Variants in ATP9A observed in about 807,000 individuals in gnomAD.
The protein encoded by ATP9A is probable phospholipid-transporting ATPase IIA.
ATP9A carries 52 observed loss-of-function variants against 144.1 expected under a neutral mutation model. The observed-to-expected ratio is 0.36, with a 90% CI of 0.29 to 0.45. The LOEUF is 0.45. ATP9A is among the 20% of genes least tolerant of loss of function. The probability of loss-of-function intolerance (pLI) is 1.00; values close to 1 mark genes in which losing one functional copy is unlikely to be tolerated. For missense variants in ATP9A, 947 were observed against 1,392.7 expected (o/e 0.68, Z 5.09); for synonymous variants, 582 against 557.4 (o/e 1.04, Z -0.62).
intron 9 of ATP9A, among the ~76,000 whole-genome samples, chr20:51,681,267 C>T (rs1568818016): frequency 6.6e-6 from 1 of 152,156 alleles, no homozygotes; most frequent in Non-Finnish European, 1.5e-5. Context: ...ATTAGTATTG[C>T]TCATCTCTGA....
chr20:51,676,379 G>T (rs2077477403), intron 9 of ATP9A, among the ~76,000 whole-genome samples, 171 bp from the exon 10 acceptor site: 2 of 151,498 alleles, frequency 1.3e-5, no homozygotes, highest in Admixed American at 1.3e-4. Flanking sequence ...GCACAACATG[G>T]GCTAACTGAA....
At chr20:51,634,691 A>G (rs888086027) in intron 15 of ATP9A, among the ~76,000 whole-genome samples, 5 of 151,988 alleles carry the variant, frequency 3.3e-5, no homozygotes, top group African/African-American at 1.2e-4. Context: ...CCCCATCTCT[A>G]CTAAAAATAC....
intron 2 of ATP9A, among the ~76,000 whole-genome samples, chr20:51,729,455 G>C (rs2077730220): frequency 6.6e-6 from 1 of 151,980 alleles, no homozygotes; most frequent in South Asian, 2.1e-4. Context: ...AGTCTTTTAA[G>C]ACTGTACCGG....
chr20:51,675,599 G>T (rs574938668), intron 10 of ATP9A, among the ~76,000 whole-genome samples: 2 of 152,342 alleles, frequency 1.3e-5, no homozygotes, highest in East Asian at 3.9e-4. Context: ...CACAAAAAAT[G>T]CTGGGCGCCA....
intron 21 of ATP9A, 26 bp downstream of exon 21, chr20:51,618,636 A>G (rs750402190): frequency 6.2e-7 from 1 of 1,600,402 alleles, no homozygotes; most frequent in Admixed American, 1.7e-5. Context: ...GGCCAGGGCC[A>G]GCAGCACAGC....
chr20:51,634,526 A>G (rs895583497), intron 15 of ATP9A, among the ~76,000 whole-genome samples: 2 of 152,134 alleles, frequency 1.3e-5, no homozygotes, highest in Non-Finnish European at 2.9e-5. Context: ...GGTCCTGCAG[A>G]GTCTGAAAGA....
chr20:51,639,435 G>A lies in ATP9A; in HGVS notation c.1576C>T (p.Leu526=), dbSNP rs2077309294. 6.2e-7 allele frequency: 1 copy of A among 1,614,072 alleles called. No homozygotes were observed. The highest frequency in any genetic ancestry group is 8.5e-7 in the Non-Finnish European group (1 of 1,179,966). Residue 526 remains leucine, a synonymous_variant, in exon 15 of 28, where the codon CTG becomes TTG. Transcript: ENST00000338821. ...AGGATCTGGTCGCCAGGGGTCCTCA[G>A]CTGCATGGAAGACTGGTCTCGGCCC... is the stretch of plus-strand genomic sequence containing the variant. ...LVGRDQSSMQ[L]RTPGDQILNF...
chr20:51,672,491 C>T (rs189322341), intron 11 of ATP9A, among the ~76,000 whole-genome samples: 1 of 152,212 alleles, frequency 6.6e-6, no homozygotes, highest in Admixed American at 6.5e-5. Flanking sequence ...TGCTAGCAGT[C>T]AAGTCACTAA....
intron 14 of ATP9A, among the ~76,000 whole-genome samples, chr20:51,640,539 C>T (rs1463951149): frequency 3.3e-5 from 5 of 152,192 alleles, no homozygotes; most frequent in Admixed American, 6.5e-5. Flanking sequence ...AAGGTGACAG[C>T]GCTGGCATGT....
chr20:51,614,695 T>C (rs1321026483), intron 22 of ATP9A, among the ~76,000 whole-genome samples: 1 of 152,132 alleles, frequency 6.6e-6, no homozygotes, highest in Non-Finnish European at 1.5e-5. Flanking sequence ...AGAACACCAA[T>C]TCCCCTTGTA....
At chr20:51,631,229 C>A (rs1240608698) in intron 15 of ATP9A, among the ~76,000 whole-genome samples, 1 of 152,150 alleles carries the variant, frequency 6.6e-6, no homozygotes, top group Non-Finnish European at 1.5e-5. Context: ...CACCAACAAT[C>A]TTTTAGAACA....
chr20:51,621,965 G>T (rs2077228612), intron 19 of ATP9A, 109 bp downstream of exon 19: 1 of 932,892 alleles, frequency 1.1e-6, no homozygotes, highest in Non-Finnish European at 1.7e-6. Context: ...CCCACCCTAG[G>T]TAATTCACAT....
At chr20:51,722,394 A>T (rs2077693318) in intron 3 of ATP9A, among the ~76,000 whole-genome samples, 1 of 152,262 alleles carries the variant, frequency 6.6e-6, no homozygotes, top group South Asian at 2.1e-4. Context: ...CAGTCAGCAG[A>T]GTAAACAGAC....
intron 14 of ATP9A, among the ~76,000 whole-genome samples, chr20:51,652,656 G>C (rs756530256): frequency 3.3e-5 from 5 of 152,198 alleles, no homozygotes; most frequent in Non-Finnish European, 7.3e-5. Flanking sequence ...GGCGGCCTCT[G>C]AAGTAGTTTT....
chr20:51,706,215 T>C (rs1223199977), intron 4 of ATP9A, among the ~76,000 whole-genome samples: 1 of 152,236 alleles, frequency 6.6e-6, no homozygotes, highest in South Asian at 2.1e-4. Context: ...AGATATTATA[T>C]GCAAAAGTGC....
chr20:51,672,311 CAAAGT>C (rs1444447598), intron 11 of ATP9A, among the ~76,000 whole-genome samples: 1 of 152,100 alleles, frequency 6.6e-6, no homozygotes, highest in Admixed American at 6.6e-5. Context: ...TTTTACTGCA[CAAAGT>C]AAATAGAAGT....
chr20:51,605,522 G>GT (rs2077159741), intron 26 of ATP9A, among the ~76,000 whole-genome samples: 1 of 152,224 alleles, frequency 6.6e-6, no homozygotes, highest in Non-Finnish European at 1.5e-5. Context: ...GGAGGCTGAG[G>GT]TGGGAGGATC....
At chr20:51,718,054 C>T (rs543178293) in intron 3 of ATP9A, among the ~76,000 whole-genome samples, 25 of 152,232 alleles carry the variant, frequency 1.6e-4, no homozygotes, top group African/African-American at 5.5e-4. Context: ...GGCTGCAGGG[C>T]TGCTCATGTC....
intron 13 of ATP9A, among the ~76,000 whole-genome samples, chr20:51,669,541 T>A (rs558752506): frequency 1.3e-5 from 2 of 152,200 alleles, no homozygotes; most frequent in South Asian, 4.1e-4. Context: ...CTCCGGGTCA[T>A]AGCCAGGGAA....
Sources: allele counts gnomAD v4.1 joint callset (sites outside exome capture counted in the v4.1 genomes callset), GRCh38; gene constraint gnomAD v4.1.1; transcripts MANE v1.5; gene names NCBI Gene and HGNC (gene_info 2026-07-23, HGNC 2026-07-21).